LRRC46: variants seen among roughly 807,000 people sequenced by gnomAD.
LRRC46 encodes the protein leucine-rich repeat-containing protein 46.
Under a neutral mutation model 28.0 loss-of-function variants are expected in LRRC46, and 20 were observed. That is an observed-to-expected ratio of 0.71 (90% CI 0.50 to 1.04). The LOEUF is 1.04. LRRC46 is among the 50% of genes least tolerant of loss of function. LRRC46 has a pLI of 0.00. For missense variants in LRRC46, 315 were observed against 390.1 expected, an observed-to-expected ratio of 0.81 and a Z score of 1.62; for synonymous variants, 156 against 158.8, an observed-to-expected ratio of 0.98 and a Z score of 0.13.
intron 3 of LRRC46, 75 bp downstream of exon 3, chr17:47,834,608 C>G (rs777236885): frequency 3.0e-5 from 28 of 943,608 alleles, no homozygotes; most frequent in Non-Finnish European, 4.5e-5. Flanking sequence ...AGGAGCCAAC[C>G]AGGTCATCCT....
Position 47,836,897 on chromosome 17 carries a change from G to T in LRRC46, c.743G>T (p.Ser248Ile), listed in dbSNP as rs781687611. ...LLPGVPMAGD[S>I]SPSATPAQGE... ...CCTGGGGTGCCCATGGCTGGGGACA[G>T]CAGCCCTTCTGCCACTCCTGCGCAA... Residue 248 changes from serine to isoleucine, a missense_variant, in exon 8 of 8, where the codon AGC becomes ATC. Physicochemically the swap from Ser to Ile is moderately radical, Grantham distance 142 (BLOSUM62 -2). Coordinates refer to ENST00000269025, the MANE Select transcript of LRRC46 (RefSeq NM_033413.4). This position sits in a 1 kb window ranked among gnomAD's most constrained non-coding sequence, Gnocchi z 5.8. 6.2e-7 allele frequency: 1 copy of T among 1,613,812 alleles called. No individual in the cohort carries two copies. The highest frequency in any genetic ancestry group is 2.2e-5 in the East Asian group (1 of 44,874).
rs773719057 is a variant in LRRC46, at chr17:47,836,382, C to T, written c.502C>T (p.Pro168Ser). ...ACTTCTCCTGGACCTGGACGGGCAG[C>T]CTGTGGTGGAGCGCTGGATTTCGGA... The part of the protein sequence containing the change: ...LPLLLDLDGQ[P>S]VVERWISDEE... The change falls in exon 7 of 8, where the codon CCT becomes TCT. Residue 168 changes from proline to serine, a missense_variant. Physicochemically the swap from Pro to Ser is moderately conservative, Grantham distance 74. Transcript: ENST00000269025. This position sits in a 1 kb window ranked among gnomAD's most constrained non-coding sequence, Gnocchi z 5.8. 1.9e-6 allele frequency: 3 copies of T among 1,614,126 alleles called. No homozygotes were observed. Among genetic ancestry groups the T allele is most frequent in the South Asian group, 2.2e-5 (2 of 91,070 alleles).
At position 47,831,936 on chromosome 17, in the gene LRRC46, A is replaced by G. The variant is rs2033638786; in HGVS notation, c.-54A>G. On this transcript the variant is annotated 5_prime_UTR_variant, in exon 1 of 8. Transcript: ENST00000269025. Reference sequence around the variant, plus strand: ...TCTGCCATCCTTAGGGGCCGCCAAGACCTCTCTTTTCGTTCCTCTCCCGCC... The same window carrying G: ...TCTGCCATCCTTAGGGGCCGCCAAGGCCTCTCTTTTCGTTCCTCTCCCGCC... 6.2e-7 allele frequency: 1 copy of G among 1,611,528 alleles called. No homozygotes were observed. The highest frequency in any genetic ancestry group is 8.5e-7 in the Non-Finnish European group (1 of 1,179,596).
At position 47,836,734 on chromosome 17, in the gene LRRC46, C is replaced by G. The variant is rs1188293260; in HGVS notation, c.596-16C>G. 6.2e-7 allele frequency: 1 copy of G among 1,612,316 alleles called. No individual in the cohort carries two copies. Among genetic ancestry groups the G allele is most frequent in the Non-Finnish European group, 8.5e-7 (1 of 1,179,524 alleles). On this transcript the variant is annotated splice_polypyrimidine_tract_variant and intron_variant, in intron 7 of 7. Transcript: ENST00000269025. The surrounding 1 kb of genome is among the most constrained non-coding windows in gnomAD (Gnocchi z 5.8). ...GCTCCACCCACCCTGTACCCTCCACCCCCGGCCCCTCCCAGGCTTCCTCAA... is the reference window on the plus strand; with the variant it reads ...GCTCCACCCACCCTGTACCCTCCACGCCCGGCCCCTCCCAGGCTTCCTCAA...
intron 2 of LRRC46, among the ~76,000 whole-genome samples, chr17:47,832,937 A>G (rs2033651188): frequency 6.6e-6 from 1 of 152,150 alleles, no homozygotes; most frequent in Non-Finnish European, 1.5e-5. Context: ...CAAGTGTACA[A>G]TTTCCCACAC....
intron 2 of LRRC46, among the ~76,000 whole-genome samples, chr17:47,832,749 A>ACTGGT (rs918405151): frequency 6.6e-6 from 1 of 152,194 alleles, no homozygotes; most frequent in Non-Finnish European, 1.5e-5. Flanking sequence ...TGTTGGCCAG[A>ACTGGT]CTGGTCTTGA....
In LRRC46 at chr17:47,835,495, T is replaced by C. The variant is rs920278882; in HGVS notation, c.272+96T>C. On this transcript the variant is annotated intron_variant, in intron 4 of 7. Coordinates refer to ENST00000269025, the MANE Select transcript of LRRC46 (RefSeq NM_033413.4). ...TCAGATTTCTCCAAGCCTGGGTCCT[T>C]GTCAGTCAAGGACCAGCAAGCCTAG... is the stretch of plus-strand genomic sequence containing the variant. 4.6e-6 allele frequency: 7 copies of C among 1,510,370 alleles called. No homozygotes were observed. In the African/African-American group the frequency reaches 8.2e-5, roughly 18 times the overall value. The allele number at this position is 1,510,370 out of a possible 1,614,324, so 93.6% of individuals were successfully genotyped here. A position where few individuals can be genotyped will look rare whatever the true frequency, so the allele number is the denominator to read the frequency against.
chr17:47,833,363 T>A (rs527948685), intron 2 of LRRC46, among the ~76,000 whole-genome samples: 79 of 152,012 alleles, frequency 5.2e-4, no homozygotes, highest in African/African-American at 1.9e-3. Flanking sequence ...CTCTTCCTCC[T>A]TCTTTCCCTT....
chr17:47,834,170 C>T lies in LRRC46; in HGVS notation c.117-255C>T, dbSNP rs569654113. 3.7e-6 allele frequency: 4 copies of T among 1,081,262 alleles called. No homozygotes were observed. In the South Asian group the frequency reaches 1.1e-4, roughly 29 times the overall value. 67.0% of individuals were successfully genotyped at this position (1,081,262 alleles called of 1,614,324 possible). Reference sequence around the variant, plus strand: ...TCCAGAAACCATAAGCTGCCATCCCCCAATTTCCCAGAGGGCCCTTACTCC... The same window carrying T: ...TCCAGAAACCATAAGCTGCCATCCCTCAATTTCCCAGAGGGCCCTTACTCC... On this transcript the variant is annotated intron_variant, in intron 2 of 7. Coordinates refer to ENST00000269025, the MANE Select transcript of LRRC46 (RefSeq NM_033413.4).
chr17:47,835,603 C>T (rs2056133159), intron 4 of LRRC46, 63 bp from the exon 5 acceptor site: 3 of 1,541,216 alleles, frequency 1.9e-6, no homozygotes, highest in Non-Finnish European at 2.7e-6. Context: ...CAGGTGCCCT[C>T]CTCTTTTCTT....
rs1218353396 is a variant in LRRC46, at chr17:47,831,956, C to G, written c.-34C>G. 5.6e-6 allele frequency: 9 copies of G among 1,612,670 alleles called. No individual in the cohort carries two copies. Among genetic ancestry groups the G allele is most frequent in the Non-Finnish European group, 4.2e-6 (5 of 1,180,016 alleles). On this transcript the variant is annotated 5_prime_UTR_variant, in exon 1 of 8. Transcript: ENST00000269025. ...CCAAGACCTCTCTTTTCGTTCCTCT[C>G]CCGCCTCAGACCAGCAGCCTTTTAT...
chr17:47,836,672 C>T lies in LRRC46; in HGVS notation c.596-78C>T. ...CAAGGGACAAGGGGCCAGCCAGAGA[C>T]TTCCCTGAGCCCAGGGACCCTCCTG... On this transcript the variant is annotated intron_variant, in intron 7 of 7. Transcript: ENST00000269025. The surrounding 1 kb of genome is among the most constrained non-coding windows in gnomAD (Gnocchi z 5.8). 6.4e-7 allele frequency: 1 copy of T among 1,560,986 alleles called. No individual in the cohort carries two copies. Among genetic ancestry groups the T allele is most frequent in the Non-Finnish European group, 8.7e-7 (1 of 1,155,680 alleles).
rs755834038 is a variant in LRRC46 at position 47,836,738 on chromosome 17, G to C, written c.596-12G>C. ...CACCCACCCTGTACCCTCCACCCCC[G>C]GCCCCTCCCAGGCTTCCTCAAGGAG... On this transcript the variant is annotated splice_polypyrimidine_tract_variant and intron_variant, in intron 7 of 7. Transcript: ENST00000269025. This position sits in a 1 kb window ranked among gnomAD's most constrained non-coding sequence, Gnocchi z 5.8. 8 of 1,593,096 alleles carry C rather than the reference G, an allele frequency of 5.0e-6. No individual in the cohort carries two copies. The highest frequency in any genetic ancestry group is 6.8e-6 in the Non-Finnish European group (8 of 1,168,762).
At chr17:47,832,048 G>C (rs1031846577) in intron 1 of LRRC46, 49 bp downstream of exon 1, 1 of 1,613,996 alleles carries the variant, frequency 6.2e-7, no homozygotes, top group Non-Finnish European at 8.5e-7. Flanking sequence ...AAACAGCGGG[G>C]TAAGGCCTCC....
chr17:47,831,987 A>G lies in LRRC46; in HGVS notation c.-3A>G. 1 of 1,613,388 alleles carries G rather than the reference A, an allele frequency of 6.2e-7. No homozygotes were observed. The highest frequency in any genetic ancestry group is 8.5e-7 in the Non-Finnish European group (1 of 1,179,996). On this transcript the variant is annotated 5_prime_UTR_variant, in exon 1 of 8. Coordinates refer to ENST00000269025, the MANE Select transcript of LRRC46 (RefSeq NM_033413.4). ...TCAGACCAGCAGCCTTTTATTTTAGATCATGTCTGGAGGTGAGTAGGGAGG... is the reference window on the plus strand; with the variant it reads ...TCAGACCAGCAGCCTTTTATTTTAGGTCATGTCTGGAGGTGAGTAGGGAGG...
chr17:47,831,899 GC>G lies in LRRC46; in HGVS notation c.-89del, dbSNP rs1194220250. 1 of 1,547,032 alleles carries G rather than the reference GC, an allele frequency of 6.5e-7. No individual in the cohort carries two copies. The highest frequency in any genetic ancestry group is 8.9e-7 in the Non-Finnish European group (1 of 1,124,202). On this transcript the variant is annotated 5_prime_UTR_variant, in exon 1 of 8. Coordinates refer to ENST00000269025, the MANE Select transcript of LRRC46 (RefSeq NM_033413.4). ...AGTCTCTGAGTTTCTCTCTCCTCCT[GC>G]CATCCTGAGTTCTGCCATCCTTAGG...
chr17:47,835,199 G>A, intron 3 of LRRC46, 154 bp from the exon 4 acceptor site: 2 of 804,580 alleles, frequency 2.5e-6, no homozygotes, highest in Admixed American at 3.5e-5. Flanking sequence ...CTTTCTTAAG[G>A]TAGTGGCAAC....
chr17:47,836,081 G>T lies in LRRC46; in HGVS notation c.431G>T (p.Cys144Phe). The change falls in exon 6 of 8, where the codon TGC (cysteine) becomes TTC (phenylalanine). Residue 144 changes from cysteine (C) to phenylalanine (F), a missense_variant. Transcript: ENST00000269025. The surrounding 1 kb of genome is among the most constrained non-coding windows in gnomAD (Gnocchi z 5.8). ...LLILNLSGNS[C>F]TNQDGYRELV... ...ATCCTCAACCTGTCTGGAAACAGCT[G>T]CACCAACCAGGATGGCTACCGGTAA... 1.2e-6 allele frequency: 2 copies of T among 1,614,176 alleles called. No individual in the cohort carries two copies. Among genetic ancestry groups the T allele is most frequent in the Non-Finnish European group, 1.7e-6 (2 of 1,180,022 alleles).
rs763129584 is a variant in LRRC46, at chr17:47,832,212, G to C, written c.116+7G>C. On this transcript the variant is annotated splice_region_variant and intron_variant, in intron 2 of 7. Transcript: ENST00000269025. ...GGGAACTGTCAGAGAAGATGTGAGT[G>C]CATGGGGGAGAAAAGGGGTGCTAGA... 5 of 1,564,022 alleles carry C rather than the reference G, an allele frequency of 3.2e-6. No homozygotes were observed. The South Asian group carries it at 5.9e-5, about 19-fold the overall frequency.
Sources: allele counts gnomAD v4.1 joint callset (sites outside exome capture counted in the v4.1 genomes callset), GRCh38; gene constraint gnomAD v4.1.1; non-coding constraint Gnocchi (gnomAD v3.1); transcripts MANE v1.5; gene names NCBI Gene and HGNC (gene_info 2026-07-23, HGNC 2026-07-21).